Variants in KLHL12 observed in about 807,000 individuals in gnomAD.
The protein encoded by KLHL12 is kelch-like protein 12.
Under a neutral mutation model 60.8 loss-of-function variants are expected in KLHL12, and 17 were observed. The ratio of observed to expected loss-of-function variants is 0.28; its 90% CI spans 0.19 to 0.42. The LOEUF is 0.42. Ranked by LOEUF, KLHL12 falls within the 10% of genes least tolerant of loss-of-function variation. KLHL12 has a pLI of 1.00. For missense variants in KLHL12, 468 were observed against 722.3 expected (o/e 0.65, Z 4.04); for synonymous variants, 220 against 250.9 (o/e 0.88, Z 1.16).
chr1:202,896,790 A>C (rs534589877), intron 7 of KLHL12, 64 bp downstream of exon 7: 10 of 1,213,166 alleles, frequency 8.2e-6, no homozygotes, highest in Non-Finnish European at 1.2e-5. Context: ...ATTAGCTATG[A>C]TCTGGAGGCA....
At position 202,906,455 on chromosome 1, in the gene KLHL12, C is replaced by CAA. The variant is rs59435824; in HGVS notation, c.832+2553_832+2554dup. Reference sequence around the variant, plus strand: ...GGGCAACAAGAGCAACGCTTCGTCTCAAAAAAAAAAAAAAAAAAAAAAAAG... The same window carrying CAA: ...GGGCAACAAGAGCAACGCTTCGTCTCAAAAAAAAAAAAAAAAAAAAAAAAAAG... On this transcript the variant is annotated intron_variant, in intron 6 of 11. Coordinates refer to ENST00000367261, the MANE Select transcript of KLHL12 (RefSeq NM_021633.4). 2.9e-3 allele frequency among the ~76,000 whole-genome samples: 153 copies of CAA among 52,224 alleles called. 1 individual carries two copies. The highest frequency in any genetic ancestry group is 3.5e-3 in the Non-Finnish European group (93 of 26,500). 34.3% of individuals were successfully genotyped at this position (52,224 alleles called of 152,430 possible).
Position 202,895,730 on chromosome 1 carries a change from A to T in KLHL12, c.940-13T>A. On this transcript the variant is annotated splice_polypyrimidine_tract_variant and intron_variant, in intron 7 of 11. Transcript: ENST00000367261. This position sits in a 1 kb window ranked among gnomAD's most constrained non-coding sequence, Gnocchi z 4.2. ...TACGAGTGATGCTCTATGGATTTGG[A>T]GAGAAGAGGTACAGAGCATTTCAGT... 6.2e-7 allele frequency: 1 copy of T among 1,610,998 alleles called. No individual in the cohort carries two copies. The highest frequency in any genetic ancestry group is 8.5e-7 in the Non-Finnish European group (1 of 1,177,746).
intron 6 of KLHL12, among the ~76,000 whole-genome samples, chr1:202,908,498 T>TA (rs1392944811): frequency 6.6e-6 from 1 of 152,218 alleles, no homozygotes; most frequent in Non-Finnish European, 1.5e-5. Flanking sequence ...AGGTTAAGGT[T>TA]CCTGCCCAAG....
rs77092008 is a variant in KLHL12 at position 202,900,148 on chromosome 1, T to C, written c.833-3188A>G. On this transcript the variant is annotated intron_variant, in intron 6 of 11. Transcript: ENST00000367261. ...CACACCAACCAAGAGGTACTTCCTG[T>C]GCTATGCAAATTTTAAAGTTTTCTA... Among the ~76,000 whole-genome samples the C allele has an allele frequency of 6.1e-3, 922 of 152,250 alleles. 16 individuals are homozygous for C. Among genetic ancestry groups the C allele is most frequent in the Non-Finnish European group, 4.2e-3 (288 of 68,026 alleles).
chr1:202,919,885 A>G lies in KLHL12; in HGVS notation c.219T>C (p.Tyr73=). The change falls in exon 3 of 12, where the codon TAT becomes TAC. Residue 73 remains tyrosine (Y), a synonymous_variant. Transcript: ENST00000367261. ...AGGCAGTCAAACCTTGGATGTCAAC[A>G]TAAGGTTTCCCCTTCTCTGAGAGCT... The part of the protein sequence containing the change: ...TSELSEKGKP[Y]VDIQGLTAST... 6.2e-7 allele frequency: 1 copy of G among 1,613,748 alleles called. No homozygotes were observed. The highest frequency in any genetic ancestry group is 1.1e-5 in the South Asian group (1 of 90,996).
At chr1:202,917,807 A>G (rs1219468571) in intron 4 of KLHL12, among the ~76,000 whole-genome samples, 1 of 152,158 alleles carries the variant, frequency 6.6e-6, no homozygotes, top group Admixed American at 6.5e-5. Context: ...CCACTTGGGG[A>G]TCTGTAGCAC....
At chr1:202,900,622 G>A (rs541972072) in intron 6 of KLHL12, among the ~76,000 whole-genome samples, 6 of 152,246 alleles carry the variant, frequency 3.9e-5, no homozygotes, top group African/African-American at 1.4e-4. Flanking sequence ...ACAGCACTTT[G>A]GGAGGCCGAG....
At chr1:202,903,287 G>A (rs1422952430) in intron 6 of KLHL12, among the ~76,000 whole-genome samples, 1 of 150,220 alleles carries the variant, frequency 6.7e-6, no homozygotes, top group Non-Finnish European at 1.5e-5. Flanking sequence ...GCACTGGATA[G>A]TTTTTAAATC....
At chr1:202,921,115 T>C (rs2102456108) in intron 2 of KLHL12, among the ~76,000 whole-genome samples, 1 of 151,310 alleles carries the variant, frequency 6.6e-6, no homozygotes, top group African/African-American at 2.4e-5. Flanking sequence ...GGTTCAAGTG[T>C]TTCTCGTGCC....
chr1:202,899,644 G>T (rs1659944106), intron 6 of KLHL12, among the ~76,000 whole-genome samples: 1 of 140,096 alleles, frequency 7.1e-6, no homozygotes, highest in Non-Finnish European at 1.6e-5. Context: ...TGTCTAACAT[G>T]GCAAAACCCC....
rs146773681 is a variant in KLHL12 at position 202,908,166 on chromosome 1, T to C, written c.832+844A>G. Among the ~76,000 whole-genome samples the C allele has an allele frequency of 5.3e-3, 810 of 152,314 alleles. 9 individuals carry two copies. Among genetic ancestry groups the C allele is most frequent in the African/African-American group, 0.019 (774 of 41,564 alleles). ...GAAAGTATGGTGATATCTGAGTATT[T>C]AGTGTGTGCCAGCTATAGTGTTAGG... On this transcript the variant is annotated intron_variant, in intron 6 of 11. Coordinates refer to ENST00000367261, the MANE Select transcript of KLHL12 (RefSeq NM_021633.4).
rs1660636331 is a variant in KLHL12, at chr1:202,919,973, T to C, written c.196-65A>G. Reference sequence around the variant, plus strand: ...TCCACAAGATAAAGGCAGAATCTCATATCTAAGAGCTTAGAGATGTTAATA... The same window carrying C: ...TCCACAAGATAAAGGCAGAATCTCACATCTAAGAGCTTAGAGATGTTAATA... On this transcript the variant is annotated intron_variant, in intron 2 of 11. Transcript: ENST00000367261. 8 of 1,336,672 alleles carry C rather than the reference T, an allele frequency of 6.0e-6. No homozygotes were observed. In the Admixed American group the frequency reaches 1.3e-4, roughly 22 times the overall value. 82.8% of individuals were successfully genotyped at this position (1,336,672 alleles called of 1,614,324 possible).
rs767843978 is a variant in KLHL12 at position 202,893,074 on chromosome 1, T to C, written c.1580+165A>G. 1.5e-4 allele frequency among the ~76,000 whole-genome samples: 22 copies of C among 150,966 alleles called. No homozygotes were observed. Among genetic ancestry groups the C allele is most frequent in the Non-Finnish European group, 2.5e-4 (17 of 67,760 alleles). ...GACTCCAGCCTGGGTGACAGAGCAA[T>C]ACTCTGTCTCTAAAAAATAAAAAAA... On this transcript the variant is annotated intron_variant, in intron 11 of 11. Coordinates refer to ENST00000367261, the MANE Select transcript of KLHL12 (RefSeq NM_021633.4). This position sits in a 1 kb window ranked among gnomAD's most constrained non-coding sequence, Gnocchi z 4.1.
chr1:202,907,433 C>G (rs1364743491), intron 6 of KLHL12, among the ~76,000 whole-genome samples: 1 of 150,280 alleles, frequency 6.7e-6, no homozygotes, highest in Non-Finnish European at 1.5e-5. Flanking sequence ...GAAACCCTGT[C>G]TCTACCAAAA....
rs937475186 is a variant in KLHL12, at chr1:202,909,874, A to T, written c.718-750T>A. Among the ~76,000 whole-genome samples the T allele has an allele frequency of 1.3e-5, 2 of 152,138 alleles. No homozygotes were observed. The highest frequency in any genetic ancestry group is 4.8e-5 in the African/African-American group (2 of 41,412). ...ATAGCTTATGTCCTAGATCCAGGTT[A>T]TTTCACTGTCTTTTGTTGTTTCTCT... On this transcript the variant is annotated intron_variant, in intron 5 of 11. Coordinates refer to ENST00000367261, the MANE Select transcript of KLHL12 (RefSeq NM_021633.4). The surrounding 1 kb of genome is among the most constrained non-coding windows in gnomAD (Gnocchi z 4.1).
intron 6 of KLHL12, among the ~76,000 whole-genome samples, chr1:202,907,808 T>C (rs1660240704): frequency 6.6e-6 from 1 of 151,482 alleles, no homozygotes; most frequent in African/African-American, 2.4e-5. Flanking sequence ...CTTGGGAGGC[T>C]GAGGTGGGAA....
intron 6 of KLHL12, among the ~76,000 whole-genome samples, chr1:202,900,790 G>C (rs1395126469): frequency 6.6e-6 from 1 of 152,000 alleles, no homozygotes; most frequent in Non-Finnish European, 1.5e-5. Flanking sequence ...CTTGAACCTG[G>C]GAGATGCAGG....
chr1:202,926,547 G>A (rs1653566455), intron 1 of KLHL12, among the ~76,000 whole-genome samples: 1 of 152,172 alleles, frequency 6.6e-6, no homozygotes, highest in African/African-American at 2.4e-5. Context: ...AACTCTAGGG[G>A]TGTAAAAAGG....
At chr1:202,920,925 A>G (rs1450924261) in intron 2 of KLHL12, among the ~76,000 whole-genome samples, 1 of 152,196 alleles carries the variant, frequency 6.6e-6, no homozygotes, top group African/African-American at 2.4e-5. Context: ...TATTTCAAAG[A>G]AATTTCATGT....
Sources: gnomAD v4.1 joint callset for allele counts (sites outside exome capture counted in the v4.1 genomes callset) on GRCh38, gnomAD v4.1.1 for gene constraint, Gnocchi (gnomAD v3.1) non-coding constraint, MANE v1.5 for transcripts, NCBI Gene and HGNC (gene_info 2026-07-23, HGNC 2026-07-21) for gene names.